SLC15A2: variants seen among roughly 807,000 people sequenced by gnomAD.
The protein encoded by SLC15A2 is kidney H(+)/peptide cotransporter.
In SLC15A2, 77 loss-of-function variants were observed where a neutral mutation model predicts 95.5. The observed-to-expected ratio is 0.81, with a 90% CI of 0.67 to 0.97. The LOEUF (loss-of-function observed/expected upper bound fraction) is 0.97. SLC15A2 is among the 50% of genes least tolerant of loss of function. The pLI is 0.00. For missense variants in SLC15A2, 893 were observed against 874.4 expected (o/e 1.02, Z -0.27); for synonymous variants, 306 against 306.9 (o/e 1.00, Z 0.03).
At position 121,911,764 on chromosome 3, in the gene SLC15A2, C is replaced by G. The variant is rs1709772008; in HGVS notation, c.428+98C>G. 1.2e-5 allele frequency: 9 copies of G among 778,206 alleles called. No individual in the cohort carries two copies. The South Asian group carries it at 1.4e-4, about 12-fold the overall frequency. The allele number at this position is 778,206 out of a possible 1,614,324, so 48.2% of individuals were successfully genotyped here. ...CCAGAGATGTCTCTTTATTTTCAAT[C>G]TACAGTTTACTACAAAACTGGTTAA... is the stretch of plus-strand genomic sequence containing the variant. On this transcript the variant is annotated intron_variant, in intron 4 of 21. Coordinates refer to ENST00000489711, the MANE Select transcript of SLC15A2 (RefSeq NM_021082.4).
At position 121,939,351 on chromosome 3, in the gene SLC15A2, C is replaced by T; in HGVS notation, c.1764C>T (p.Asn588=). Reference sequence around the variant, plus strand: ...TTTCCATTTTCTCTTTCCCTAAGAACACCAATCAGGGTCTTCAGGCCTGGA... The same window carrying T: ...TTTCCATTTTCTCTTTCCCTAAGAATACCAATCAGGGTCTTCAGGCCTGGA... ...GAAYLFVITN[N]TNQGLQAWKI... Residue 588 remains asparagine, a splice_region_variant and synonymous_variant, in exon 20 of 22, where the codon AAC becomes AAT. Coordinates refer to ENST00000489711, the MANE Select transcript of SLC15A2 (RefSeq NM_021082.4). The T allele has an allele frequency of 6.6e-7, 1 of 1,517,836 alleles. No individual in the cohort carries two copies. Among genetic ancestry groups the T allele is most frequent in the Admixed American group, 2.3e-5 (1 of 43,212 alleles). 94.0% of individuals were successfully genotyped at this position (1,517,836 alleles called of 1,614,324 possible). A position where few individuals can be genotyped will look rare whatever the true frequency, so the allele number is the denominator to read the frequency against.
At chr3:121,937,240 G>C (rs2107612106) in intron 19 of SLC15A2, among the ~76,000 whole-genome samples, 1 of 76,832 alleles carries the variant, frequency 1.3e-5, no homozygotes, top group Middle Eastern at 4.1e-3. Context: ...ACAATTATGT[G>C]TCTTGGAGTT....
In SLC15A2 at chr3:121,935,369, A is replaced by G. The variant is rs1281670436; in HGVS notation, c.1761+3634A>G. ...AGTTCCTCCTTGTATCTCTGGTAGA[A>G]TTCGGCTGTGAATCCATCTGGTCCT... is the stretch of plus-strand genomic sequence containing the variant. On this transcript the variant is annotated intron_variant, in intron 19 of 21. Coordinates refer to ENST00000489711, the MANE Select transcript of SLC15A2 (RefSeq NM_021082.4). Among the ~76,000 whole-genome samples, 4 of 152,332 alleles carry G rather than the reference A, an allele frequency of 2.6e-5. No individual in the cohort carries two copies. The East Asian group carries it at 7.7e-4, about 29-fold the overall frequency.
intron 19 of SLC15A2, among the ~76,000 whole-genome samples, chr3:121,935,560 T>G (rs1322791295): frequency 6.6e-6 from 1 of 152,134 alleles, no homozygotes; most frequent in African/African-American, 2.4e-5. Flanking sequence ...GTAGAGGTGT[T>G]TGTAGTATTC....
At chr3:121,902,604 G>A (rs545987989) in intron 3 of SLC15A2, among the ~76,000 whole-genome samples, 262 of 152,304 alleles carry the variant, frequency 1.7e-3, no homozygotes, top group African/African-American at 6.1e-3. Flanking sequence ...GTGAGAACAT[G>A]TGGTGTTTGG....
chr3:121,933,301 A>G (rs1201719381), intron 19 of SLC15A2, among the ~76,000 whole-genome samples: 2,657 of 150,022 alleles, frequency 0.018, 73 homozygotes, highest in African/African-American at 0.064. Context: ...TGGGTCAAAT[A>G]GTATTTCTAG....
chr3:121,935,181 G>T (rs1013187207), intron 19 of SLC15A2, among the ~76,000 whole-genome samples: 2 of 152,084 alleles, frequency 1.3e-5, no homozygotes, highest in Admixed American at 1.3e-4. Flanking sequence ...TTTTATTGAG[G>T]ATTTTTGCAT....
At chr3:121,895,833 C>T (rs1488937602) in intron 1 of SLC15A2, among the ~76,000 whole-genome samples, 1 of 152,136 alleles carries the variant, frequency 6.6e-6, no homozygotes, top group African/African-American at 2.4e-5. Flanking sequence ...AGAACTCTGC[C>T]TAAAGTCAAG....
At chr3:121,905,853 G>A (rs1319746759) in intron 3 of SLC15A2, among the ~76,000 whole-genome samples, 1 of 152,168 alleles carries the variant, frequency 6.6e-6, no homozygotes, top group African/African-American at 2.4e-5. Context: ...TTCTGTAGAT[G>A]TTTATTAGGT....
In SLC15A2 at chr3:121,915,650, A is replaced by G. The variant is rs781389940; in HGVS notation, c.654A>G (p.Ala218=). 3.1e-6 allele frequency: 5 copies of G among 1,613,956 alleles called. No homozygotes were observed. Among genetic ancestry groups the G allele is most frequent in the Non-Finnish European group, 4.2e-6 (5 of 1,179,954 alleles). The change falls in exon 7 of 22, where the codon GCA becomes GCG. Residue 218 remains alanine, a synonymous_variant. Transcript: ENST00000489711. ...DVQCFGEDCY[A]LAFGVPGLLM... ...AATGTTTTGGAGAAGACTGCTATGC[A>G]TTGGCTTTTGGAGTTCCAGGACTGC... is the stretch of plus-strand genomic sequence containing the variant.
At chr3:121,938,497 G>A (rs941061751) in intron 19 of SLC15A2, among the ~76,000 whole-genome samples, 7 of 152,146 alleles carry the variant, frequency 4.6e-5, no homozygotes, top group Non-Finnish European at 7.4e-5. Context: ...TCGGAAAAGC[G>A]CAGTATTCCG....
chr3:121,899,439 C>T (rs1224945022), intron 3 of SLC15A2, among the ~76,000 whole-genome samples: 1 of 144,728 alleles, frequency 6.9e-6, no homozygotes, highest in Non-Finnish European at 1.5e-5. Flanking sequence ...GAGTCTTTTC[C>T]TTCAACTAGA....
At chr3:121,922,726 A>T in intron 8 of SLC15A2, 49 bp from the exon 9 acceptor site, 1 of 1,374,908 alleles carries the variant, frequency 7.3e-7, no homozygotes, top group Non-Finnish European at 1.0e-6. Context: ...GAAAAGGCAG[A>T]GGATGTTTTT....
In SLC15A2 at chr3:121,922,814, A is replaced by G. The variant is rs1710033038; in HGVS notation, c.820A>G (p.Ile274Val). 1.9e-6 allele frequency: 3 copies of G among 1,614,062 alleles called. No individual in the cohort carries two copies. In the South Asian group the frequency reaches 3.3e-5, roughly 18 times the overall value. ...TCGTTTCAAGAACCGTTCTGGAGAC[A>G]TTCCAAAGCGACAGCACTGGCTAGA... is the stretch of plus-strand genomic sequence containing the variant. The part of the protein sequence containing the change: ...SNRFKNRSGD[I>V]PKRQHWLDWA... The change falls in exon 9 of 22, where the codon ATT (isoleucine) becomes GTT (valine). Residue 274 changes from isoleucine to valine, a missense_variant. Ile to Val is a conservative substitution (Grantham distance 29, BLOSUM62 3). Coordinates refer to ENST00000489711, the MANE Select transcript of SLC15A2 (RefSeq NM_021082.4).
intron 16 of SLC15A2, 76 bp downstream of exon 16, chr3:121,929,222 G>T: frequency 1.2e-6 from 2 of 1,602,256 alleles, no homozygotes; most frequent in South Asian, 2.2e-5. Context: ...TCTTACCAAG[G>T]ATCTGCCTGA....
chr3:121,925,924 C>G (rs369501781), intron 13 of SLC15A2, among the ~76,000 whole-genome samples: 69 of 151,410 alleles, frequency 4.6e-4, no homozygotes, highest in African/African-American at 1.7e-3. Flanking sequence ...ATGTACAGCA[C>G]TTGGCATATG....
chr3:121,939,200 G>A (rs756407981), intron 19 of SLC15A2, 149 bp from the exon 20 acceptor site: 19 of 555,338 alleles, frequency 3.4e-5, no homozygotes, highest in Non-Finnish European at 5.4e-5. Flanking sequence ...GTTTTGAAAA[G>A]CTGGAATTGT....
At position 121,941,151 on chromosome 3, in the gene SLC15A2, G is replaced by T; in HGVS notation, c.*144G>T. On this transcript the variant is annotated 3_prime_UTR_variant, in exon 22 of 22. Coordinates refer to ENST00000489711, the MANE Select transcript of SLC15A2 (RefSeq NM_021082.4). ...CTCCAATGACAGAAGTTCCAGGACT[G>T]GTTTTCCAGTACATCTTTAAACAAG... 1.4e-6 allele frequency: 1 copy of T among 700,240 alleles called. No homozygotes were observed. The highest frequency in any genetic ancestry group is 2.3e-6 in the Non-Finnish European group (1 of 429,980). 43.4% of individuals were successfully genotyped at this position (700,240 alleles called of 1,614,324 possible).
intron 15 of SLC15A2, among the ~76,000 whole-genome samples, chr3:121,928,764 C>T (rs942199938): frequency 2.6e-5 from 4 of 152,070 alleles, no homozygotes; most frequent in African/African-American, 9.7e-5. Context: ...TATTATTATA[C>T]ATAATCCTAC....
Sources: gnomAD v4.1 joint callset for allele counts (sites outside exome capture counted in the v4.1 genomes callset) on GRCh38, gnomAD v4.1.1 for gene constraint, MANE v1.5 for transcripts, NCBI Gene and HGNC (gene_info 2026-07-23, HGNC 2026-07-21) for gene names.